The following TSNARE1 variants were observed in gnomAD, a reference collection of about 807,000 sequenced individuals.
TSNARE1 encodes t-SNARE domain containing 1.
Under a neutral mutation model 62.0 loss-of-function variants are expected in TSNARE1, and 49 were observed. That is an observed-to-expected ratio of 0.79 (90% confidence interval 0.63 to 1.00). The LOEUF (loss-of-function observed/expected upper bound fraction) is 1.00. Ranked by LOEUF, TSNARE1 falls within the 50% of genes least tolerant of loss-of-function variation. TSNARE1 has a pLI of 0.00. For synonymous variants in TSNARE1, 328 were observed against 294.4 expected (o/e 1.11, Z -1.17); for missense variants, 755 against 700.1 (o/e 1.08, Z -0.88).
chr8:142,300,938 C>T (rs1304510368), intron 9 of TSNARE1, among the ~76,000 whole-genome samples: 1 of 150,014 alleles, frequency 6.7e-6, no homozygotes, highest in African/African-American at 2.5e-5. Flanking sequence ...GAGCACCCAG[C>T]AGAGGGGAGG....
chr8:142,370,777 C>T (rs576787767), intron 1 of TSNARE1, among the ~76,000 whole-genome samples: 17 of 151,946 alleles, frequency 1.1e-4, no homozygotes, highest in African/African-American at 4.1e-4. Flanking sequence ...AGCTGACTTT[C>T]CTTCAGAAAT....
At chr8:142,223,002 A>G (rs1477625980) in intron 13 of TSNARE1, among the ~76,000 whole-genome samples, 2 of 150,000 alleles carry the variant, frequency 1.3e-5, no homozygotes, top group Non-Finnish European at 2.9e-5. Context: ...TCTCTCATTC[A>G]CTCATTTACT....
chr8:142,359,653 A>G (rs575529609), intron 1 of TSNARE1, among the ~76,000 whole-genome samples: 1 of 152,334 alleles, frequency 6.6e-6, no homozygotes, highest in East Asian at 1.9e-4. Context: ...CAGGCCACCC[A>G]GAGCCCGCCT....
chr8:142,343,881 T>C, intron 4 of TSNARE1, 85 bp downstream of exon 4: 2 of 1,310,688 alleles, frequency 1.5e-6, no homozygotes, highest in East Asian at 2.9e-5. Flanking sequence ...TGGAGGAAGA[T>C]GCAGGGCAAC....
intron 1 of TSNARE1, chr8:142,402,659 G>A (rs1838382808): frequency 6.6e-6 from 1 of 152,558 alleles, no homozygotes; most frequent in South Asian, 2.1e-4. Context: ...GCTCAGGCTC[G>A]AAGGCGGGCT....
intron 6 of TSNARE1, among the ~76,000 whole-genome samples, chr8:142,323,261 TAAA>T (rs1829753232): frequency 6.6e-6 from 1 of 152,226 alleles, no homozygotes; most frequent in South Asian, 2.1e-4. Flanking sequence ...AAACTGATTC[TAAA>T]ATGTATACTG....
rs143456767 is a variant in TSNARE1, at chr8:142,394,809, C to T, written c.-40+8295G>A. 6.2e-4 allele frequency among the ~76,000 whole-genome samples: 95 copies of T among 152,284 alleles called. 1 individual carries two copies. The East Asian group carries it at 0.015, about 25-fold the overall frequency. The stretch of plus-strand genomic sequence containing the variant: ...GCACTCCCCACGCCCCAGCTGCCAG[C>T]GTGCCTGTCCACGTCCCTGTGTGCC... On this transcript the variant is annotated intron_variant, in intron 1 of 13. Coordinates refer to ENST00000524325, the MANE Select transcript of TSNARE1 (RefSeq NM_145003.5).
At chr8:142,297,203 G>A (rs1166519672) in intron 10 of TSNARE1, among the ~76,000 whole-genome samples, 1 of 152,202 alleles carries the variant, frequency 6.6e-6, no homozygotes, top group African/African-American at 2.4e-5. Context: ...CTGGGAAGGA[G>A]GACAAAGGAA....
chr8:142,234,790 G>T (rs1295963011), intron 12 of TSNARE1, among the ~76,000 whole-genome samples: 1 of 151,978 alleles, frequency 6.6e-6, no homozygotes, highest in Non-Finnish European at 1.5e-5. Flanking sequence ...AGGGGGAGAC[G>T]CCCAAGCCTA....
intron 1 of TSNARE1, among the ~76,000 whole-genome samples, chr8:142,377,128 G>A (rs755268834): frequency 2.0e-5 from 3 of 152,178 alleles, no homozygotes; most frequent in South Asian, 2.1e-4. Flanking sequence ...CATGTTCTCC[G>A]CAGACACTCC....
At chr8:142,247,373 G>A (rs1201356987) in intron 12 of TSNARE1, among the ~76,000 whole-genome samples, 1 of 152,246 alleles carries the variant, frequency 6.6e-6, no homozygotes, top group Non-Finnish European at 1.5e-5. Context: ...AATGTTGTCT[G>A]TCTGTTGGGT....
chr8:142,214,319 A>T (rs962066293), intron 13 of TSNARE1, among the ~76,000 whole-genome samples: 3 of 152,170 alleles, frequency 2.0e-5, no homozygotes, highest in African/African-American at 7.2e-5. Flanking sequence ...TCATTCCGCC[A>T]TGGGGCTCGG....
chr8:142,279,543 C>T (rs1349505832), intron 11 of TSNARE1, among the ~76,000 whole-genome samples: 2 of 152,222 alleles, frequency 1.3e-5, no homozygotes, highest in Admixed American at 6.5e-5. Flanking sequence ...ACCCGGTGGG[C>T]ACGGCTTGAG....
intron 1 of TSNARE1, among the ~76,000 whole-genome samples, chr8:142,376,726 C>T (rs1038436354): frequency 2.0e-5 from 3 of 152,198 alleles, no homozygotes; most frequent in African/African-American, 7.2e-5. Flanking sequence ...GAGAGCCCAC[C>T]CAGACACGGG....
chr8:142,344,548 G>T (rs946435435), intron 3 of TSNARE1, 76 bp from the exon 4 acceptor site: 2 of 1,390,058 alleles, frequency 1.4e-6, no homozygotes, highest in East Asian at 2.7e-5. Flanking sequence ...AGCTCCCTAC[G>T]GCGCCTCCTC....
intron 1 of TSNARE1, among the ~76,000 whole-genome samples, chr8:142,355,678 C>G (rs1834670591): frequency 6.6e-6 from 1 of 152,206 alleles, no homozygotes; most frequent in Admixed American, 6.5e-5. Context: ...CACTACGGAA[C>G]CTGCTGGCCA....
chr8:142,397,439 C>T (rs1837969691), intron 1 of TSNARE1, among the ~76,000 whole-genome samples: 1 of 152,174 alleles, frequency 6.6e-6, no homozygotes, highest in African/African-American at 2.4e-5. Context: ...CAGGATCAGA[C>T]TAATGACATG....
chr8:142,399,883 C>T (rs1014396218), intron 1 of TSNARE1, among the ~76,000 whole-genome samples: 2 of 152,282 alleles, frequency 1.3e-5, no homozygotes, highest in African/African-American at 2.4e-5. Context: ...GCCACAGAAA[C>T]GCCCGTGTGC....
At chr8:142,299,124 G>A (rs529119190) in intron 10 of TSNARE1, among the ~76,000 whole-genome samples, 1 of 152,326 alleles carries the variant, frequency 6.6e-6, no homozygotes, top group African/African-American at 2.4e-5. Flanking sequence ...AGAGGAGGCG[G>A]GGGCCCCAAA....
Sources: gnomAD v4.1 joint callset for allele counts (sites outside exome capture counted in the v4.1 genomes callset) on GRCh38, gnomAD v4.1.1 for gene constraint, MANE v1.5 for transcripts, NCBI Gene and HGNC (gene_info 2026-07-23, HGNC 2026-07-21) for gene names.